The following EPYC variants were observed in gnomAD, a reference collection of about 807,000 sequenced individuals.
The protein encoded by EPYC is dermatan sulfate proteoglycan 3.
EPYC carries 28 observed loss-of-function variants against 30.1 expected under a neutral mutation model. The ratio of observed to expected loss-of-function variants is 0.93; its 90% CI spans 0.69 to 1.28. The LOEUF (loss-of-function observed/expected upper bound fraction) is 1.28. Ranked by LOEUF, EPYC falls within the 50% of genes most tolerant of loss-of-function variation. The pLI, the probability that EPYC is intolerant of heterozygous loss-of-function variation, is 0.00. For synonymous variants in EPYC, 144 were observed against 141.4 expected (o/e 1.02, Z -0.13); for missense variants, 382 against 383.5 (o/e 1.00, Z 0.03).
At chr12:91,003,908 G>C (rs1877890731) in intron 1 of EPYC, among the ~76,000 whole-genome samples, 1 of 152,072 alleles carries the variant, frequency 6.6e-6, no homozygotes, top group South Asian at 2.1e-4. Flanking sequence ...AAATTCCTCT[G>C]AGAATAAGAA....
At chr12:91,004,244 T>G (rs1162657799) in intron 1 of EPYC, among the ~76,000 whole-genome samples, 1 of 152,094 alleles carries the variant, frequency 6.6e-6, no homozygotes, top group Non-Finnish European at 1.5e-5. Flanking sequence ...TTTTCTCACA[T>G]CATACTATAT....
At chr12:90,991,122 C>T (rs927307211) in intron 2 of EPYC, among the ~76,000 whole-genome samples, 5 of 152,112 alleles carry the variant, frequency 3.3e-5, no homozygotes, top group Admixed American at 1.3e-4. Context: ...TCTTCTCAAA[C>T]GTGCCAAGGA....
At chr12:91,004,470 A>C (rs1920749) in intron 1 of EPYC, among the ~76,000 whole-genome samples, 123,304 of 151,934 alleles carry the variant, frequency 0.81, 50,383 homozygotes, top group Non-Finnish European at 0.87. Flanking sequence ...TATACCATTT[A>C]TTAATATTTT....
intron 1 of EPYC, among the ~76,000 whole-genome samples, chr12:91,004,164 A>T (rs57015983): frequency 0.059 from 8,963 of 152,084 alleles, 388 homozygotes; most frequent in African/African-American, 0.11. Flanking sequence ...CTACCAACTT[A>T]AAAAAAATTT....
intron 2 of EPYC, among the ~76,000 whole-genome samples, chr12:90,993,940 A>G (rs1877642733): frequency 6.6e-6 from 1 of 152,186 alleles, no homozygotes; most frequent in South Asian, 2.1e-4. Context: ...AACTAATAAC[A>G]GATTCAAGAA....
chr12:90,975,009 G>A (rs542233903), intron 3 of EPYC, among the ~76,000 whole-genome samples: 54 of 152,144 alleles, frequency 3.5e-4, no homozygotes, highest in Admixed American at 9.2e-4. Flanking sequence ...GACAAACCAG[G>A]ATATTTGATC....
At chr12:90,981,388 T>G (rs1877321495) in intron 2 of EPYC, among the ~76,000 whole-genome samples, 1 of 152,170 alleles carries the variant, frequency 6.6e-6, no homozygotes, top group Admixed American at 6.6e-5. Flanking sequence ...CAATTACATT[T>G]ATTGTATCAG....
rs76910082 is a variant in EPYC at position 91,000,798 on chromosome 12, T to A, written c.165+1603A>T. The stretch of plus-strand genomic sequence containing the variant: ...ATTCAGAAATGCACTAACTTTTTTT[T>A]AAAAAAATGTGTTTTTATGCAAGAT... On this transcript the variant is annotated intron_variant, in intron 2 of 6. Transcript: ENST00000261172. Among the ~76,000 whole-genome samples the A allele has an allele frequency of 1.8e-3, 268 of 151,736 alleles. 1 individual carries two copies. In the East Asian group the frequency reaches 0.031, roughly 17 times the overall value.
At chr12:90,967,262 G>C (rs2120792999) in intron 6 of EPYC, among the ~76,000 whole-genome samples, 2 of 151,766 alleles carry the variant, frequency 1.3e-5, no homozygotes, top group Admixed American at 1.3e-4. Flanking sequence ...TTTAAGTGCT[G>C]CTTTAGCTCC....
Position 91,004,946 on chromosome 12 carries a change from C to T in EPYC, c.-14+1G>A, listed in dbSNP as rs1197796904. On this transcript the variant is annotated splice_donor_variant, in intron 1 of 6. Transcript: ENST00000261172. LOFTEE classifies it low-confidence loss of function (5UTR_SPLICE). ...AGAAGAAAGCAAGTATAAAAACTTA[C>T]CTTTGGCTCTGACCTGATGAAATGG... is the stretch of plus-strand genomic sequence containing the variant. The T allele has an allele frequency of 6.6e-5, 10 of 151,712 alleles. No homozygotes were observed. Among genetic ancestry groups the T allele is most frequent in the Admixed American group, 6.6e-4 (10 of 15,184 alleles). The allele number at this position is 151,712 out of a possible 1,614,324, so 9.4% of individuals were successfully genotyped here.
chr12:90,977,909 A>G (rs1877225217), intron 3 of EPYC, among the ~76,000 whole-genome samples, 179 bp downstream of exon 3: 1 of 152,156 alleles, frequency 6.6e-6, no homozygotes, highest in African/African-American at 2.4e-5. Flanking sequence ...CCGAAGCTGA[A>G]TTATTAAAAC....
chr12:91,000,647 A>G (rs946467772), intron 2 of EPYC, among the ~76,000 whole-genome samples: 1 of 151,992 alleles, frequency 6.6e-6, no homozygotes, highest in Non-Finnish European at 1.5e-5. Flanking sequence ...CCTTGAAACC[A>G]TTCCCAAAAC....
At chr12:91,000,442 C>T (rs1336944068) in intron 2 of EPYC, among the ~76,000 whole-genome samples, 1 of 152,030 alleles carries the variant, frequency 6.6e-6, no homozygotes, top group Non-Finnish European at 1.5e-5. Context: ...TTCTTGATGT[C>T]ATGAAAAATG....
intron 2 of EPYC, among the ~76,000 whole-genome samples, chr12:90,979,756 A>G (rs1248780592): frequency 6.6e-6 from 1 of 152,024 alleles, no homozygotes; most frequent in East Asian, 1.9e-4. Flanking sequence ...TTATCTGTGT[A>G]CCTCTAGGCT....
At chr12:90,990,214 A>G (rs1451712939) in intron 2 of EPYC, among the ~76,000 whole-genome samples, 2 of 152,092 alleles carry the variant, frequency 1.3e-5, no homozygotes, top group Non-Finnish European at 2.9e-5. Context: ...TTCTCAGTGT[A>G]ACACAAAGCA....
chr12:90,986,418 G>A (rs1877449584), intron 2 of EPYC, among the ~76,000 whole-genome samples: 1 of 152,078 alleles, frequency 6.6e-6, no homozygotes, highest in Admixed American at 6.6e-5. Context: ...ATAGACTAGT[G>A]CAAAATCTTA....
chr12:90,974,209 G>C (rs981831157), intron 3 of EPYC, among the ~76,000 whole-genome samples: 3 of 151,988 alleles, frequency 2.0e-5, no homozygotes, highest in African/African-American at 7.2e-5. Flanking sequence ...GAGGCCATGT[G>C]GGGAGAGAGT....
chr12:90,992,022 T>G (rs1349728223), intron 2 of EPYC, among the ~76,000 whole-genome samples: 1 of 152,198 alleles, frequency 6.6e-6, no homozygotes, highest in East Asian at 1.9e-4. Context: ...GGTTGATTCT[T>G]CAGATCAGTA....
chr12:90,977,991 T>G, intron 3 of EPYC, 97 bp downstream of exon 3: 2 of 1,143,028 alleles, frequency 1.7e-6, no homozygotes, highest in Non-Finnish European at 2.4e-6. Flanking sequence ...ACTTTTTTCT[T>G]GGGTCATGTC....
Sources: gnomAD v4.1 joint callset for allele counts (sites outside exome capture counted in the v4.1 genomes callset) on GRCh38, gnomAD v4.1.1 for gene constraint, MANE v1.5 for transcripts, NCBI Gene and HGNC (gene_info 2026-07-23, HGNC 2026-07-21) for gene names.